Variants in ADAMTS3 observed in about 807,000 individuals in gnomAD.
ADAMTS3 encodes the protein A disintegrin and metalloproteinase with thrombospondin motifs 3.
ADAMTS3 carries 73 observed loss-of-function variants against 129.0 expected under a neutral mutation model. The ratio of observed to expected loss-of-function variants is 0.57; its 90% CI spans 0.47 to 0.69. ADAMTS3 has a LOEUF of 0.69. Ranked by LOEUF, ADAMTS3 falls within the 30% of genes least tolerant of loss-of-function variation. ADAMTS3 has a pLI of 0.00. For synonymous variants in ADAMTS3, 477 were observed against 510.8 expected (o/e 0.93, Z 0.89); for missense variants, 1,457 against 1,514.5 (o/e 0.96, Z 0.63).
chr4:72,518,044 T>C (rs1325113077), intron 3 of ADAMTS3, among the ~76,000 whole-genome samples: 5 of 152,186 alleles, frequency 3.3e-5, no homozygotes, highest in African/African-American at 9.7e-5. Context: ...GCGTCTTTGT[T>C]CTCGTTGGTT....
chr4:72,548,452 T>C, intron 3 of ADAMTS3, 26 bp downstream of exon 3: 2 of 1,603,640 alleles, frequency 1.2e-6, no homozygotes, highest in Admixed American at 1.7e-5. Flanking sequence ...CCTGCAAACA[T>C]ACGCACAAAA....
At chr4:72,311,569 A>G (rs2109797213) in intron 13 of ADAMTS3, among the ~76,000 whole-genome samples, 1 of 152,190 alleles carries the variant, frequency 6.6e-6, no homozygotes, top group East Asian at 1.9e-4. Flanking sequence ...ATCATCTAAC[A>G]TAGTTTTTGC....
At chr4:72,358,512 C>T (rs948494950) in intron 4 of ADAMTS3, among the ~76,000 whole-genome samples, 1 of 151,814 alleles carries the variant, frequency 6.6e-6, no homozygotes, top group East Asian at 1.9e-4. Flanking sequence ...CGTTGATCTG[C>T]TTGTTTTAAA....
chr4:72,522,498 C>T (rs78955642), intron 3 of ADAMTS3, among the ~76,000 whole-genome samples: 2,692 of 152,154 alleles, frequency 0.018, 87 homozygotes, highest in African/African-American at 0.061. Flanking sequence ...AACAGTTAAG[C>T]GAGAGGAAAC....
chr4:72,529,649 A>C (rs951963888), intron 3 of ADAMTS3, among the ~76,000 whole-genome samples: 3 of 130,610 alleles, frequency 2.3e-5, no homozygotes, highest in African/African-American at 5.7e-5. Context: ...ATAATACATT[A>C]TAATATATAT....
intron 9 of ADAMTS3, among the ~76,000 whole-genome samples, chr4:72,319,070 C>T (rs1719481875): frequency 6.6e-6 from 1 of 152,028 alleles, no homozygotes; most frequent in African/African-American, 2.4e-5. Flanking sequence ...TCAAGTTTGA[C>T]CATTAATCAA....
At chr4:72,333,418 T>C (rs997756795) in intron 5 of ADAMTS3, among the ~76,000 whole-genome samples, 1 of 152,174 alleles carries the variant, frequency 6.6e-6, no homozygotes. Flanking sequence ...ATGGATTCAA[T>C]AGCAAATCCT....
chr4:72,488,920 C>T lies in ADAMTS3; in HGVS notation c.504+59558G>A, dbSNP rs564784411. Among the ~76,000 whole-genome samples, 6 of 151,960 alleles carry T rather than the reference C, an allele frequency of 3.9e-5. No homozygotes were observed. In the South Asian group the frequency reaches 1.2e-3, roughly 32 times the overall value. ...TAACTATAAAGTTTGTATGCTTTGA[C>T]CACTATCTCCCCATTTTCTCCTCAT... On this transcript the variant is annotated intron_variant, in intron 3 of 21. Transcript: ENST00000286657.
At chr4:72,362,007 TAA>T (rs67896204) in intron 4 of ADAMTS3, among the ~76,000 whole-genome samples, 102,854 of 151,692 alleles carry the variant, frequency 0.68, 36,377 homozygotes, top group Non-Finnish European at 0.78. Flanking sequence ...CAAAATTATA[TAA>T]GTTATCTCCT....
At chr4:72,339,384 C>T in intron 5 of ADAMTS3, 110 bp downstream of exon 5, 2 of 904,018 alleles carry the variant, frequency 2.2e-6, no homozygotes, top group Non-Finnish European at 3.5e-6. Context: ...CCATCATGCA[C>T]ATATTTTGGC....
chr4:72,384,059 T>A (rs559713523), intron 4 of ADAMTS3, among the ~76,000 whole-genome samples: 5 of 151,880 alleles, frequency 3.3e-5, no homozygotes, highest in African/African-American at 1.2e-4. Context: ...TTAACATCAA[T>A]TGAAAGTGAC....
chr4:72,500,436 T>C (rs553379382), intron 3 of ADAMTS3, among the ~76,000 whole-genome samples: 3 of 152,304 alleles, frequency 2.0e-5, no homozygotes, highest in Non-Finnish European at 2.9e-5. Context: ...TGTCTGTTCA[T>C]GTTCTTTGCC....
At chr4:72,293,256 C>T (rs1032546549) in intron 19 of ADAMTS3, among the ~76,000 whole-genome samples, 1 of 152,126 alleles carries the variant, frequency 6.6e-6, no homozygotes, top group African/African-American at 2.4e-5. Context: ...GAAGCCAAGA[C>T]TGAAAGCAGG....
chr4:72,338,603 A>G (rs1578594664), intron 5 of ADAMTS3, among the ~76,000 whole-genome samples: 1 of 152,050 alleles, frequency 6.6e-6, no homozygotes, highest in East Asian at 1.9e-4. Context: ...GGAAAGAGGT[A>G]AACTATAGAT....
At chr4:72,448,199 C>A (rs1272278726) in intron 3 of ADAMTS3, among the ~76,000 whole-genome samples, 1 of 151,692 alleles carries the variant, frequency 6.6e-6, no homozygotes, top group South Asian at 2.1e-4. Context: ...GCCAAAATCA[C>A]GTATATTTTC....
At chr4:72,285,212 T>A (rs1718472999) in intron 21 of ADAMTS3, among the ~76,000 whole-genome samples, 1 of 152,220 alleles carries the variant, frequency 6.6e-6, no homozygotes, top group Non-Finnish European at 1.5e-5. Context: ...TAATACGATG[T>A]CCACTTCCCA....
At chr4:72,322,629 T>C (rs1719585871) in intron 6 of ADAMTS3, among the ~76,000 whole-genome samples, 1 of 152,190 alleles carries the variant, frequency 6.6e-6, no homozygotes, top group South Asian at 2.1e-4. Context: ...AGAAAATGTC[T>C]GGCACTTAGT....
intron 3 of ADAMTS3, among the ~76,000 whole-genome samples, chr4:72,422,250 T>A (rs1722464661): frequency 3.3e-5 from 5 of 152,140 alleles, no homozygotes; most frequent in Admixed American, 3.3e-4. Context: ...CAACCATTTT[T>A]AATTTTCATC....
At chr4:72,550,133 A>C (rs1202565552) in intron 2 of ADAMTS3, among the ~76,000 whole-genome samples, 1 of 148,082 alleles carries the variant, frequency 6.8e-6, no homozygotes, top group African/African-American at 2.5e-5. Flanking sequence ...AGAAAGGGAA[A>C]TCTAAAAACA....
Sources: allele counts gnomAD v4.1 joint callset (sites outside exome capture counted in the v4.1 genomes callset), GRCh38; gene constraint gnomAD v4.1.1; transcripts MANE v1.5; gene names NCBI Gene and HGNC (gene_info 2026-07-23, HGNC 2026-07-21).